NDFIP1: variants seen among roughly 807,000 people sequenced by gnomAD.
NDFIP1 encodes Nedd4 family interacting protein 1.
A neutral mutation model predicts 28.8 loss-of-function variants in NDFIP1; 7 were observed. That is an observed-to-expected ratio of 0.24 (90% CI 0.14 to 0.46). The LOEUF is 0.46. NDFIP1 is among the 20% of genes least tolerant of loss of function. NDFIP1 has a pLI of 0.99. For synonymous variants in NDFIP1, 92 were observed against 101.0 expected, an observed-to-expected ratio of 0.91 and a Z score of 0.53; for missense variants, 194 against 269.1, an observed-to-expected ratio of 0.72 and a Z score of 1.95.
chr5:142,125,397 A>G (rs1056950199), intron 1 of NDFIP1, among the ~76,000 whole-genome samples: 1 of 151,976 alleles, frequency 6.6e-6, no homozygotes, highest in African/African-American at 2.4e-5. Context: ...ACAGGATCTC[A>G]CTCTGTTGCT....
intron 7 of NDFIP1, among the ~76,000 whole-genome samples, chr5:142,151,193 T>C (rs1757443489): frequency 6.6e-6 from 1 of 152,250 alleles, no homozygotes; most frequent in Non-Finnish European, 1.5e-5. Context: ...AAAACTTGTT[T>C]TTTAAAAGTA....
At chr5:142,142,558 A>G (rs1757342130) in intron 6 of NDFIP1, among the ~76,000 whole-genome samples, 1 of 152,134 alleles carries the variant, frequency 6.6e-6, no homozygotes, top group Non-Finnish European at 1.5e-5. Context: ...ATTCCCTTTT[A>G]AAGTTTCATG....
intron 7 of NDFIP1, among the ~76,000 whole-genome samples, chr5:142,146,648 A>G (rs1005774822): frequency 7.9e-5 from 12 of 152,150 alleles, no homozygotes; most frequent in African/African-American, 2.9e-4. Flanking sequence ...GGTGTAGTCT[A>G]ATGTTAGCTC....
chr5:142,136,452 C>G (rs1461703061), intron 4 of NDFIP1, among the ~76,000 whole-genome samples: 14 of 152,054 alleles, frequency 9.2e-5, no homozygotes, highest in Admixed American at 9.2e-4. Flanking sequence ...ATATAACACA[C>G]ACAGTAAAAA....
chr5:142,115,320 C>T (rs1299620004), intron 1 of NDFIP1, among the ~76,000 whole-genome samples: 1 of 152,096 alleles, frequency 6.6e-6, no homozygotes, highest in Non-Finnish European at 1.5e-5. Flanking sequence ...TGTCTTTCTT[C>T]TTGCTCAGGC....
Position 142,124,826 on chromosome 5 carries a change from AAGAT to A in NDFIP1, c.64-6981_64-6978del, listed in dbSNP as rs1281714726. Among the ~76,000 whole-genome samples, 6 of 107,636 alleles carry A rather than the reference AAGAT, an allele frequency of 5.6e-5. 1 individual carries two copies. Among genetic ancestry groups the A allele is most frequent in the African/African-American group, 2.5e-4 (6 of 24,276 alleles). 70.6% of individuals were successfully genotyped at this position (107,636 alleles called of 152,430 possible). ...TTTTTGGCTCCCTATGAGCAACTTG[AAGAT>A]TTTTTTTTTTTTGAGACGGAGTCTC... On this transcript the variant is annotated intron_variant, in intron 1 of 7. Transcript: ENST00000253814.
chr5:142,123,744 G>A (rs938271467), intron 1 of NDFIP1, among the ~76,000 whole-genome samples: 4 of 152,122 alleles, frequency 2.6e-5, no homozygotes, highest in African/African-American at 9.7e-5. Flanking sequence ...GTAAACAAAA[G>A]ATGACCAGTT....
chr5:142,134,985 C>CT (rs749892679), intron 3 of NDFIP1, among the ~76,000 whole-genome samples: 425 of 148,060 alleles, frequency 2.9e-3, no homozygotes, highest in African/African-American at 8.9e-3. Flanking sequence ...TTGATTTTAT[C>CT]TTTTTTTTTT....
rs1756982906 is a variant in NDFIP1 at position 142,109,028 on chromosome 5, G to C, written c.54G>C (p.Arg18=). ...LAAVEPACGS[R]YQQLQNEEES... ...CGGTCGAGCCGGCCTGCGGCAGCCG[G>C]TACCAGCAGGTAAGCGGCGCCCGAC... is the stretch of plus-strand genomic sequence containing the variant. The change falls in exon 1 of 8, where the codon CGG becomes CGC. Residue 18 remains arginine (R), a synonymous_variant. Transcript: ENST00000253814. 4 of 1,430,906 alleles carry C rather than the reference G, an allele frequency of 2.8e-6. No individual in the cohort carries two copies. The African/African-American group carries it at 5.9e-5, about 21-fold the overall frequency. The allele number at this position is 1,430,906 out of a possible 1,614,324, so 88.6% of individuals were successfully genotyped here.
Position 142,143,598 on chromosome 5 carries a change from G to C in NDFIP1, c.563-973G>C, listed in dbSNP as rs1165440249. 3 of 152,258 alleles carry C rather than the reference G, an allele frequency of 2.0e-5. No individual in the cohort carries two copies. In the East Asian group the frequency reaches 5.8e-4, roughly 29 times the overall value. 9.4% of individuals were successfully genotyped at this position (152,258 alleles called of 1,614,324 possible). A position where few individuals can be genotyped will look rare whatever the true frequency, so the allele number is the denominator to read the frequency against. On this transcript the variant is annotated intron_variant, in intron 6 of 7. Transcript: ENST00000253814. ...AAGAGGAAGGCCAGGAGGAGTATCTGAGTTTCCACTGGAGGGGCATATCAC... is the reference window on the plus strand; with the variant it reads ...AAGAGGAAGGCCAGGAGGAGTATCTCAGTTTCCACTGGAGGGGCATATCAC...
chr5:142,111,089 G>A (rs565540420), intron 1 of NDFIP1, among the ~76,000 whole-genome samples: 3 of 151,684 alleles, frequency 2.0e-5, no homozygotes, highest in South Asian at 2.1e-4. Flanking sequence ...CCATATATAC[G>A]TATACAGACA....
intron 1 of NDFIP1, among the ~76,000 whole-genome samples, chr5:142,123,078 T>G (rs1441505090): frequency 6.6e-6 from 1 of 151,986 alleles, no homozygotes; most frequent in Non-Finnish European, 1.5e-5. Context: ...TTCTCGTGCC[T>G]CAGCCTCCCA....
At chr5:142,148,750 CAAAA>C (rs60681858) in intron 7 of NDFIP1, among the ~76,000 whole-genome samples, 1 of 22,212 alleles carries the variant, frequency 4.5e-5, no homozygotes, top group Non-Finnish European at 1.1e-4. Context: ...GACTCTGTCT[CAAAA>C]AAAAAAAAAA....
At chr5:142,116,413 G>GGCTGT (rs1388137244) in intron 1 of NDFIP1, among the ~76,000 whole-genome samples, 6 of 151,050 alleles carry the variant, frequency 4.0e-5, no homozygotes, top group Middle Eastern at 3.4e-3. Context: ...CTGTTCCCCA[G>GGCTGT]GCTGGAGTGC....
intron 1 of NDFIP1, among the ~76,000 whole-genome samples, chr5:142,125,841 T>G (rs1757164905): frequency 6.6e-6 from 1 of 152,234 alleles, no homozygotes; most frequent in South Asian, 2.1e-4. Context: ...TGGTTTTGAT[T>G]TGCGTTTTCC....
At chr5:142,148,254 T>C (rs1172548400) in intron 7 of NDFIP1, among the ~76,000 whole-genome samples, 1 of 152,156 alleles carries the variant, frequency 6.6e-6, no homozygotes, top group African/African-American at 2.4e-5. Flanking sequence ...AACACCTCCT[T>C]CTAATCAGTC....
chr5:142,151,878 T>C lies in NDFIP1; in HGVS notation c.*150T>C, dbSNP rs1052196703. The C allele has an allele frequency of 6.5e-6, 1 of 152,778 alleles. No individual in the cohort carries two copies. The highest frequency in any genetic ancestry group is 2.4e-5 in the African/African-American group (1 of 41,468). 9.5% of individuals were successfully genotyped at this position (152,778 alleles called of 1,614,324 possible). A position where few individuals can be genotyped will look rare whatever the true frequency, so the allele number is the denominator to read the frequency against. Reference sequence around the variant, plus strand: ...AGTACTGTTGAAAAGATCATTTCTCTCTATTTGTTCCTAGGTGTAAAATTT... The same window carrying C: ...AGTACTGTTGAAAAGATCATTTCTCCCTATTTGTTCCTAGGTGTAAAATTT... On this transcript the variant is annotated 3_prime_UTR_variant, in exon 8 of 8. Coordinates refer to ENST00000253814, the MANE Select transcript of NDFIP1 (RefSeq NM_030571.4).
chr5:142,109,065 A>G, intron 1 of NDFIP1, 28 bp downstream of exon 1: 2 of 1,370,742 alleles, frequency 1.5e-6, no homozygotes, highest in African/African-American at 1.5e-5. Context: ...CCAGCCCCGA[A>G]CTCCGGTCCC....
At chr5:142,134,382 A>C (rs1757254103) in intron 3 of NDFIP1, among the ~76,000 whole-genome samples, 1 of 152,230 alleles carries the variant, frequency 6.6e-6, no homozygotes, top group Non-Finnish European at 1.5e-5. Context: ...AATTTTGGCA[A>C]AACCTTATTC....
Sources: allele counts gnomAD v4.1 joint callset (sites outside exome capture counted in the v4.1 genomes callset), GRCh38; gene constraint gnomAD v4.1.1; transcripts MANE v1.5; gene names NCBI Gene and HGNC (gene_info 2026-07-23, HGNC 2026-07-21).